The following CNTNAP2 variants were observed in gnomAD, a reference collection of about 807,000 sequenced individuals.
CNTNAP2 encodes the protein contactin associated protein 2.
Under a neutral mutation model 155.2 loss-of-function variants are expected in CNTNAP2, and 98 were observed. The observed-to-expected ratio is 0.63, with a 90% confidence interval of 0.54 to 0.75. The LOEUF (loss-of-function observed/expected upper bound fraction) is 0.75, where lower values mean the gene tolerates loss of function less well. CNTNAP2 is among the 30% of genes least tolerant of loss of function. The pLI is 0.00. For synonymous variants in CNTNAP2, 651 were observed against 631.2 expected (o/e 1.03, Z -0.47); for missense variants, 1,727 against 1,688.1 (o/e 1.02, Z -0.40).
At chr7:146,411,722 G>A (rs1460885132) in intron 1 of CNTNAP2, among the ~76,000 whole-genome samples, 1 of 151,626 alleles carries the variant, frequency 6.6e-6, no homozygotes, top group Non-Finnish European at 1.5e-5. Flanking sequence ...TATAAAGGGT[G>A]GTATAATATA....
At chr7:147,457,417 C>G (rs751565965) in intron 10 of CNTNAP2, among the ~76,000 whole-genome samples, 6 of 152,144 alleles carry the variant, frequency 3.9e-5, no homozygotes, top group Non-Finnish European at 8.8e-5. Flanking sequence ...ATCACTTGGT[C>G]AAATGCCACA....
Position 147,915,626 on chromosome 7 carries a change from C to T in CNTNAP2, c.2255+11905C>T, listed in dbSNP as rs537613438. On this transcript the variant is annotated intron_variant, in intron 14 of 23. Coordinates refer to ENST00000361727, the MANE Select transcript of CNTNAP2 (RefSeq NM_014141.6). ...TATATTTTCTTTCTAGATACATAAA[C>T]GGAGATGCCCTCCTGATCTCATGAA... 3.3e-3 allele frequency among the ~76,000 whole-genome samples: 492 copies of T among 150,280 alleles called. 1 individual carries two copies. The highest frequency in any genetic ancestry group is 5.4e-3 in the Non-Finnish European group (366 of 67,844).
intron 13 of CNTNAP2, among the ~76,000 whole-genome samples, chr7:147,829,385 C>A (rs545052460): frequency 6.6e-6 from 1 of 152,244 alleles, no homozygotes; most frequent in South Asian, 2.1e-4. Context: ...TTTAGAAAGT[C>A]TTGATTAAGT....
At chr7:148,187,317 A>G (rs980952763) in intron 18 of CNTNAP2, among the ~76,000 whole-genome samples, 3 of 152,172 alleles carry the variant, frequency 2.0e-5, no homozygotes, top group South Asian at 2.1e-4. Context: ...AAAACAAGGG[A>G]TGTGACCAAA....
intron 8 of CNTNAP2, among the ~76,000 whole-genome samples, chr7:147,142,345 T>G (rs1414805399): frequency 6.6e-6 from 1 of 152,192 alleles, no homozygotes; most frequent in Non-Finnish European, 1.5e-5. Context: ...GTGGTTTTTG[T>G]CATTGGTTCT....
chr7:146,181,079 T>C (rs1798542813), intron 1 of CNTNAP2, among the ~76,000 whole-genome samples: 2 of 152,320 alleles, frequency 1.3e-5, no homozygotes, highest in South Asian at 2.1e-4. Flanking sequence ...AGGAACTCTT[T>C]CATGACTTCA....
chr7:146,218,094 C>T (rs1415769078), intron 1 of CNTNAP2, among the ~76,000 whole-genome samples: 2 of 152,174 alleles, frequency 1.3e-5, no homozygotes, highest in African/African-American at 4.8e-5. Context: ...TGTTTTTAGT[C>T]ATAGAATCTG....
At chr7:147,111,207 C>T (rs1034818739) in intron 5 of CNTNAP2, among the ~76,000 whole-genome samples, 18 of 152,134 alleles carry the variant, frequency 1.2e-4, no homozygotes, top group African/African-American at 4.1e-4. Flanking sequence ...CCTTTGCCCA[C>T]ATTTTTATGA....
intron 19 of CNTNAP2, among the ~76,000 whole-genome samples, chr7:148,222,327 A>AC (rs1360863755): frequency 6.6e-6 from 1 of 152,218 alleles, no homozygotes; most frequent in African/African-American, 2.4e-5. Context: ...CAAAGGGCCA[A>AC]ACCTGGTGAG....
At chr7:148,398,839 G>A (rs1437438093) in intron 22 of CNTNAP2, among the ~76,000 whole-genome samples, 2 of 152,148 alleles carry the variant, frequency 1.3e-5, no homozygotes, top group African/African-American at 4.8e-5. Flanking sequence ...TGAATTGTGC[G>A]AATCCCTGAC....
intron 4 of CNTNAP2, among the ~76,000 whole-genome samples, chr7:147,072,749 A>G (rs943959382): frequency 4.0e-5 from 6 of 151,692 alleles, no homozygotes; most frequent in Non-Finnish European, 7.4e-5. Context: ...GATGGGAGAG[A>G]CTCAGATTTA....
intron 15 of CNTNAP2, among the ~76,000 whole-genome samples, chr7:148,117,454 G>A (rs73472281): frequency 0.022 from 3,367 of 152,280 alleles, 140 homozygotes; most frequent in African/African-American, 0.077. Flanking sequence ...TCCAGGCTCC[G>A]TCAGTTGTAT....
intron 3 of CNTNAP2, among the ~76,000 whole-genome samples, chr7:147,040,343 G>A (rs892414510): frequency 3.3e-5 from 5 of 151,856 alleles, no homozygotes; most frequent in African/African-American, 1.2e-4. Flanking sequence ...ATGTATGAAT[G>A]AAGCATTTTA....
At chr7:147,821,010 A>G (rs903189972) in intron 13 of CNTNAP2, among the ~76,000 whole-genome samples, 1 of 152,124 alleles carries the variant, frequency 6.6e-6, no homozygotes, top group Non-Finnish European at 1.5e-5. Flanking sequence ...CTTTTGTCTA[A>G]AAAAAGAGAA....
intron 9 of CNTNAP2, among the ~76,000 whole-genome samples, chr7:147,322,294 A>G (rs1012933826): frequency 2.0e-5 from 3 of 152,232 alleles, no homozygotes; most frequent in Admixed American, 1.3e-4. Context: ...ATCTAAGTCT[A>G]TGCAAGGGGG....
intron 19 of CNTNAP2, among the ~76,000 whole-genome samples, chr7:148,227,408 C>T (rs1234222738): frequency 6.6e-6 from 1 of 152,166 alleles, no homozygotes; most frequent in East Asian, 1.9e-4. Flanking sequence ...AGAGGCCTCA[C>T]TTGAGAGTGA....
intron 1 of CNTNAP2, among the ~76,000 whole-genome samples, chr7:146,502,645 T>C (rs1243995599): frequency 6.6e-6 from 1 of 152,110 alleles, no homozygotes; most frequent in African/African-American, 2.4e-5. Flanking sequence ...AGAGCCCCTC[T>C]CTTTCATCCA....
At chr7:148,394,256 G>C (rs184625560) in intron 22 of CNTNAP2, among the ~76,000 whole-genome samples, 9 of 152,252 alleles carry the variant, frequency 5.9e-5, no homozygotes. Context: ...ATGGCCCACT[G>C]TTCCAGCCCC....
intron 21 of CNTNAP2, among the ~76,000 whole-genome samples, chr7:148,369,446 T>A (rs577518892): frequency 5.3e-5 from 8 of 151,826 alleles, no homozygotes; most frequent in African/African-American, 1.9e-4. Context: ...GGTTTCGCCA[T>A]GTTGGCCAGG....
Sources: gnomAD v4.1 joint callset for allele counts (sites outside exome capture counted in the v4.1 genomes callset) on GRCh38, gnomAD v4.1.1 for gene constraint, MANE v1.5 for transcripts, NCBI Gene and HGNC (gene_info 2026-07-23, HGNC 2026-07-21) for gene names.